FGF14: variants seen among roughly 807,000 people sequenced by gnomAD.
FGF14 encodes the protein fibroblast growth factor homologous factor 4.
In FGF14, 5 loss-of-function variants were observed where a neutral mutation model predicts 25.5. The ratio of observed to expected loss-of-function variants is 0.20; its 90% CI spans 0.10 to 0.41. FGF14 has a LOEUF of 0.41. Among genes scored for constraint, FGF14 ranks in the 10% least tolerant of loss-of-function variants. FGF14 has a pLI of 1.00. For missense variants in FGF14, 222 were observed against 320.1 expected, an observed-to-expected ratio of 0.69 and a Z score of 2.34; for synonymous variants, 138 against 118.3, an observed-to-expected ratio of 1.17 and a Z score of -1.08.
At chr13:102,007,275 C>G (rs2039855910) in intron 1 of FGF14, among the ~76,000 whole-genome samples, 1 of 152,142 alleles carries the variant, frequency 6.6e-6, no homozygotes, top group Admixed American at 6.5e-5. Context: ...TTGTGATGAT[C>G]TCCCTCTGAA....
chr13:101,978,944 A>T (rs953097637), intron 1 of FGF14, among the ~76,000 whole-genome samples: 76 of 152,346 alleles, frequency 5.0e-4, no homozygotes, highest in African/African-American at 1.7e-3. Context: ...GTGTGATGGA[A>T]TTCCAAAGCA....
chr13:102,282,304 G>T (rs2053884261), intron 1 of FGF14, among the ~76,000 whole-genome samples: 1 of 152,068 alleles, frequency 6.6e-6, no homozygotes, highest in Admixed American at 6.5e-5. Flanking sequence ...AACCTCAGGT[G>T]ATCCGCCCAC....
At chr13:102,303,900 G>A (rs191485898) in intron 1 of FGF14, among the ~76,000 whole-genome samples, 4 of 152,292 alleles carry the variant, frequency 2.6e-5, no homozygotes, top group Admixed American at 6.5e-5. Flanking sequence ...TCAAAAAGCT[G>A]TGTAGCTTGC....
In FGF14 at chr13:102,380,887, T is replaced by C. The variant is rs1203131601; in HGVS notation, c.208+20584A>G. Among the ~76,000 whole-genome samples, 3 of 152,190 alleles carry C rather than the reference T, an allele frequency of 2.0e-5. No homozygotes were observed. The East Asian group carries it at 5.8e-4, about 29-fold the overall frequency. ...AATCAAAGATAAATATAGCTGCTCC[T>C]CAACTTATAATGGGGTTATGTCCCA... On this transcript the variant is annotated intron_variant, in intron 1 of 4. Transcript: ENST00000376131.
upstream of FGF14, chr13:102,402,184 T>A (rs888114776): frequency 6.3e-6 from 1 of 159,234 alleles, no homozygotes; most frequent in East Asian, 1.9e-4. Context: ...CTTCTCCCAG[T>A]GTCGATTTTT....
intron 1 of FGF14, among the ~76,000 whole-genome samples, chr13:102,067,047 C>T (rs553925141): frequency 6.6e-6 from 1 of 152,328 alleles, no homozygotes; most frequent in South Asian, 2.1e-4. Flanking sequence ...CTTGTCTCCA[C>T]CTCACTTCTT....
chr13:101,988,974 A>C (rs1049295341), intron 1 of FGF14, among the ~76,000 whole-genome samples: 1 of 152,062 alleles, frequency 6.6e-6, no homozygotes. Flanking sequence ...GATCAAACAT[A>C]ATTGCTTTTA....
chr13:102,156,121 T>A (rs1052624163), intron 1 of FGF14, among the ~76,000 whole-genome samples: 1 of 152,002 alleles, frequency 6.6e-6, no homozygotes, highest in Admixed American at 6.6e-5. Flanking sequence ...ACTATTCCAA[T>A]CAACAGAAAA....
intron 1 of FGF14, among the ~76,000 whole-genome samples, chr13:102,053,834 T>C (rs991656933): frequency 1.3e-5 from 2 of 152,148 alleles, no homozygotes; most frequent in African/African-American, 4.8e-5. Flanking sequence ...GAACTTAAGT[T>C]CTACTTCATT....
rs1453554110 is a variant in FGF14, at chr13:102,400,151, G to T, written c.208+1320C>A. ...CAGCTACGTTGCATTGGCAAGGTTC[G>T]GAGGCTGGAGGGCAGCAGCCACTTG... On this transcript the variant is annotated intron_variant, in intron 1 of 4. Coordinates refer to the FGF14 transcript ENST00000376131. This position sits in a 1 kb window ranked among gnomAD's most constrained non-coding sequence, Gnocchi z 4.3. 6.6e-6 allele frequency among the ~76,000 whole-genome samples: 1 copy of T among 152,050 alleles called. No individual in the cohort carries two copies. Among genetic ancestry groups the T allele is most frequent in the Non-Finnish European group, 1.5e-5 (1 of 67,994 alleles).
intron 1 of FGF14, among the ~76,000 whole-genome samples, chr13:102,161,608 AAGAAGAAGAAGAAGAAGAAGAAGAAGAAG>A (rs2047685073): frequency 4.6e-4 from 3 of 6,512 alleles, no homozygotes; most frequent in Admixed American, 2.3e-3. Flanking sequence ...GAAGAAGAAG[AAGAAGAAGAAGAAGAAGAAGAAGAAGAAG>A]AAGAAGAAGA....
Position 102,309,364 on chromosome 13 carries a change from G to T in FGF14, c.208+92107C>A, listed in dbSNP as rs549513253. ...TCTCCAAAGCCCCATGCTTTCATCA[G>T]CTAGGTAAAGGCATTCACTTCACCG... On this transcript the variant is annotated intron_variant, in intron 1 of 4. Coordinates refer to the FGF14 transcript ENST00000376131. Among the ~76,000 whole-genome samples, 4 of 152,288 alleles carry T rather than the reference G, an allele frequency of 2.6e-5. No homozygotes were observed. The South Asian group carries it at 8.3e-4, about 32-fold the overall frequency.
At chr13:101,998,954 T>C (rs976280062) in intron 1 of FGF14, among the ~76,000 whole-genome samples, 1 of 152,180 alleles carries the variant, frequency 6.6e-6, no homozygotes, top group African/African-American at 2.4e-5. Flanking sequence ...TTCTAAAATC[T>C]CTATAAGCCA....
rs115031150 is a variant in FGF14, at chr13:101,732,232, G to C, written c.409-5422C>G. ...TCCACTTAGTTACTATGTCACCTTG[G>C]TGTTATCTAAGACTAAATGAAAATT... On this transcript the variant is annotated intron_variant, in intron 3 of 4. Transcript: ENST00000376143. 5.3e-4 allele frequency among the ~76,000 whole-genome samples: 80 copies of C among 152,274 alleles called. 1 individual carries two copies. The highest frequency in any genetic ancestry group is 1.8e-3 in the African/African-American group (75 of 41,564).
chr13:101,817,786 G>A (rs946883613), intron 3 of FGF14, among the ~76,000 whole-genome samples: 2 of 152,194 alleles, frequency 1.3e-5, no homozygotes, highest in African/African-American at 4.8e-5. Context: ...ATACAAAACA[G>A]AGAAAATGAA....
At chr13:102,075,780 C>G (rs546168076) in intron 1 of FGF14, among the ~76,000 whole-genome samples, 78 of 152,242 alleles carry the variant, frequency 5.1e-4, no homozygotes, top group African/African-American at 1.7e-3. Flanking sequence ...CGAAAACTTT[C>G]CAGTGGGACA....
chr13:101,774,788 C>G (rs1352889145), intron 3 of FGF14, among the ~76,000 whole-genome samples: 3 of 151,992 alleles, frequency 2.0e-5, no homozygotes, highest in African/African-American at 7.2e-5. Context: ...CACGGTGGCT[C>G]ATGCCTGTAA....
chr13:101,773,203 G>T (rs570574197), intron 3 of FGF14, among the ~76,000 whole-genome samples: 38 of 152,004 alleles, frequency 2.5e-4, no homozygotes, highest in Non-Finnish European at 4.6e-4. Flanking sequence ...ACTCAGCCTC[G>T]CATTTTAAAA....
intron 1 of FGF14, among the ~76,000 whole-genome samples, chr13:102,266,577 A>G (rs933604560): frequency 6.6e-6 from 1 of 152,124 alleles, no homozygotes; most frequent in Non-Finnish European, 1.5e-5. Flanking sequence ...AATAAACAGA[A>G]GCAAATTTAT....
Sources: gnomAD v4.1 joint callset for allele counts (sites outside exome capture counted in the v4.1 genomes callset) on GRCh38, gnomAD v4.1.1 for gene constraint, Gnocchi (gnomAD v3.1) non-coding constraint, MANE v1.5 for transcripts, NCBI Gene and HGNC (gene_info 2026-07-23, HGNC 2026-07-21) for gene names.